Variants in RHOBTB1 observed in about 807,000 individuals in gnomAD.
The protein encoded by RHOBTB1 is rho-related BTB domain-containing protein 1.
Under a neutral mutation model 71.6 loss-of-function variants are expected in RHOBTB1, and 40 were observed. The ratio of observed to expected loss-of-function variants is 0.56; its 90% CI spans 0.43 to 0.73. The LOEUF is 0.73. RHOBTB1 is among the 30% of genes least tolerant of loss of function. The pLI is 0.00. For missense variants in RHOBTB1, 797 were observed against 894.0 expected, an observed-to-expected ratio of 0.89 and a Z score of 1.38; for synonymous variants, 319 against 334.9, an observed-to-expected ratio of 0.95 and a Z score of 0.52.
intron 2 of RHOBTB1, among the ~76,000 whole-genome samples, chr10:60,916,564 CTATT>C (rs945613699): frequency 1.3e-5 from 2 of 152,208 alleles, no homozygotes; most frequent in African/African-American, 4.8e-5. Context: ...CTTCACTCCT[CTATT>C]TATTTTTAAA....
intron 2 of RHOBTB1, among the ~76,000 whole-genome samples, chr10:60,915,396 A>T (rs2083216786): frequency 1.3e-5 from 2 of 151,846 alleles, no homozygotes; most frequent in Admixed American, 6.6e-5. Flanking sequence ...CGATGTGGAG[A>T]CCCTCTCATA....
chr10:60,988,317 CTTTTA>C (rs990770452), intron 1 of RHOBTB1, among the ~76,000 whole-genome samples: 35 of 152,074 alleles, frequency 2.3e-4, no homozygotes, highest in African/African-American at 7.0e-4. Context: ...ATAATTTCTA[CTTTTA>C]TTTTATATTC....
intron 7 of RHOBTB1, among the ~76,000 whole-genome samples, chr10:60,880,130 TG>T (rs201736734): frequency 0.023 from 3,394 of 146,756 alleles, 77 homozygotes; most frequent in South Asian, 0.096. Flanking sequence ...CTGTCTGAGT[TG>T]GGGGGGTGGT....
intron 4 of RHOBTB1, among the ~76,000 whole-genome samples, chr10:60,899,151 C>T (rs915848866): frequency 3.9e-5 from 6 of 152,170 alleles, no homozygotes; most frequent in Admixed American, 6.5e-5. Flanking sequence ...TATTCTTACA[C>T]CTCACATAAT....
At chr10:60,994,738 A>G (rs941978612) in intron 1 of RHOBTB1, among the ~76,000 whole-genome samples, 3 of 152,074 alleles carry the variant, frequency 2.0e-5, no homozygotes, top group Admixed American at 6.6e-5. Flanking sequence ...AGCATAAACT[A>G]AATAAAAAAT....
chr10:60,906,375 C>T (rs751149151), intron 4 of RHOBTB1, among the ~76,000 whole-genome samples: 47 of 152,272 alleles, frequency 3.1e-4, no homozygotes, highest in Non-Finnish European at 6.2e-4. Context: ...TATCAGAGCT[C>T]GTAATAGATG....
chr10:60,951,910 T>TAC (rs1272252941), intron 2 of RHOBTB1, among the ~76,000 whole-genome samples: 1 of 118,634 alleles, frequency 8.4e-6, no homozygotes, highest in Non-Finnish European at 2.0e-5. Context: ...TACAAAAAAT[T>TAC]AGCCGGGCAT....
Position 60,877,966 on chromosome 10 carries a change from C to T in RHOBTB1, c.1668G>A (p.Pro556=), listed in dbSNP as rs61759908. ...TGTTTGCCAAGGCAATTAATTCCAG[C>T]GGGTCCAGATCCAAGTTAGGAGACA... is the stretch of plus-strand genomic sequence containing the variant. ...KQLSPNLDLD[P]LELIALANRF... is the part of the protein sequence containing the mutation. Residue 556 remains proline, a synonymous_variant, in exon 8 of 11, where the codon CCG becomes CCA. Coordinates refer to ENST00000337910, the MANE Select transcript of RHOBTB1 (RefSeq NM_014836.5). 1.4e-3 allele frequency: 2,324 copies of T among 1,613,908 alleles called. 1 individual carries two copies. Among genetic ancestry groups the T allele is most frequent in the Non-Finnish European group, 1.7e-3 (1,965 of 1,179,886 alleles).
upstream of RHOBTB1, among the ~76,000 whole-genome samples, chr10:60,946,137 C>G (rs1048471647): frequency 6.6e-6 from 1 of 151,716 alleles, no homozygotes; most frequent in South Asian, 2.1e-4. Flanking sequence ...GAGATCGCGC[C>G]ACTGCACTCC....
chr10:60,942,465 C>T (rs926493281), intron 1 of RHOBTB1, among the ~76,000 whole-genome samples: 6 of 152,178 alleles, frequency 3.9e-5, no homozygotes, highest in South Asian at 2.1e-4. Context: ...TTCCTGCTTC[C>T]TAATGATTTT....
chr10:60,909,793 T>C (rs2082874429), intron 4 of RHOBTB1, among the ~76,000 whole-genome samples: 1 of 152,202 alleles, frequency 6.6e-6, no homozygotes, highest in African/African-American at 2.4e-5. Context: ...AAATCGTGTT[T>C]TGCTTCCATA....
intron 2 of RHOBTB1, among the ~76,000 whole-genome samples, chr10:60,940,853 A>T (rs2084866531): frequency 6.6e-6 from 1 of 152,212 alleles, no homozygotes; most frequent in African/African-American, 2.4e-5. Context: ...TGTACCATTG[A>T]TCCCCAATTC....
upstream of RHOBTB1, among the ~76,000 whole-genome samples, chr10:60,948,292 A>G (rs1204967857): frequency 4.6e-5 from 7 of 152,384 alleles, 1 homozygote; most frequent in Admixed American, 4.6e-4. Flanking sequence ...ATATTGTTCA[A>G]CATTTCTATT....
intron 7 of RHOBTB1, among the ~76,000 whole-genome samples, chr10:60,881,074 T>G (rs2081307744): frequency 6.6e-6 from 1 of 152,228 alleles, no homozygotes; most frequent in African/African-American, 2.4e-5. Flanking sequence ...CCCCCCAGAC[T>G]ATTCTAGTGA....
chr10:60,888,145 A>G, intron 6 of RHOBTB1, 67 bp downstream of exon 6: 1 of 1,525,548 alleles, frequency 6.6e-7, no homozygotes, highest in Non-Finnish European at 8.8e-7. Flanking sequence ...TCTCCTGCTC[A>G]TGTCTGGCTA....
At chr10:60,976,086 A>G (rs1157470308) in intron 2 of RHOBTB1, among the ~76,000 whole-genome samples, 1 of 152,048 alleles carries the variant, frequency 6.6e-6, no homozygotes, top group Admixed American at 6.6e-5. Context: ...AAGCTGCAAT[A>G]TGGGTCAAAT....
chr10:60,999,894 T>C (rs2087197530), intron 1 of RHOBTB1, among the ~76,000 whole-genome samples: 1 of 152,228 alleles, frequency 6.6e-6, no homozygotes, highest in African/African-American at 2.4e-5. Context: ...TGCAGCTTAT[T>C]TTACGATTCT....
At chr10:60,906,372 G>A (rs2082676729) in intron 4 of RHOBTB1, among the ~76,000 whole-genome samples, 1 of 152,244 alleles carries the variant, frequency 6.6e-6, no homozygotes, top group African/African-American at 2.4e-5. Context: ...GAATATCAGA[G>A]CTCGTAATAG....
intron 1 of RHOBTB1, among the ~76,000 whole-genome samples, chr10:61,000,360 T>C (rs958522957): frequency 6.6e-6 from 1 of 151,962 alleles, no homozygotes; most frequent in Non-Finnish European, 1.5e-5. Flanking sequence ...ATAAAAAATA[T>C]ATATTTTGGG....
Sources: gnomAD v4.1 joint callset for allele counts (sites outside exome capture counted in the v4.1 genomes callset) on GRCh38, gnomAD v4.1.1 for gene constraint, MANE v1.5 for transcripts, NCBI Gene and HGNC (gene_info 2026-07-23, HGNC 2026-07-21) for gene names.